FAM3B: variants seen among roughly 807,000 people sequenced by gnomAD.
The protein encoded by FAM3B is FAM3 metabolism regulating signaling molecule B.
FAM3B carries 29 observed loss-of-function variants against 28.4 expected under a neutral mutation model. The observed-to-expected ratio is 1.02, with a 90% CI of 0.76 to 1.39. The LOEUF (loss-of-function observed/expected upper bound fraction) is 1.39, where lower values mean the gene tolerates loss of function less well. Among genes scored for constraint, FAM3B ranks in the 40% most tolerant of loss-of-function variants. The pLI is 0.00. For missense variants in FAM3B, 266 were observed against 293.9 expected (o/e 0.91, Z 0.69); for synonymous variants, 91 against 103.0 (o/e 0.88, Z 0.71).
At chr21:41,351,220 C>CAT (rs2089117019) in intron 7 of FAM3B, among the ~76,000 whole-genome samples, 1 of 152,310 alleles carries the variant, frequency 6.6e-6, no homozygotes, top group South Asian at 2.1e-4. Flanking sequence ...TGATTTCCTT[C>CAT]ATATGAAAGA....
At chr21:41,316,609 C>T (rs1227705210), upstream of FAM3B, 1 of 358,732 alleles carries the variant, frequency 2.8e-6, no homozygotes. Flanking sequence ...CGGGGTCAGC[C>T]CGGCGGGGAA....
Position 41,344,469 on chromosome 21 carries a change from A to G in FAM3B, c.288-7A>G. On this transcript the variant is annotated splice_polypyrimidine_tract_variant and splice_region_variant and intron_variant, in intron 3 of 7. Transcript: ENST00000357985. ...TGGTACTTGACTAATGCTTAGCTCC[A>G]TTTCAGACTTATGGGAGAACAGCTG... is the stretch of plus-strand genomic sequence containing the variant. 1.2e-6 allele frequency: 2 copies of G among 1,613,956 alleles called. No homozygotes were observed. The highest frequency in any genetic ancestry group is 1.7e-6 in the Non-Finnish European group (2 of 1,179,778).
intron 1 of FAM3B, chr21:41,320,999 G>A (rs1393538583): frequency 6.6e-6 from 1 of 152,122 alleles, no homozygotes; most frequent in African/African-American, 2.4e-5. Context: ...TTCCTTTTCA[G>A]CCTTCTCCAA....
At chr21:41,351,318 G>T (rs2089118623) in intron 7 of FAM3B, among the ~76,000 whole-genome samples, 2 of 152,178 alleles carry the variant, frequency 1.3e-5, no homozygotes, top group African/African-American at 2.4e-5. Flanking sequence ...GGAAATGGTG[G>T]CTCCAAGTGA....
At chr21:41,313,791 T>C (rs988351095), upstream of FAM3B, among the ~76,000 whole-genome samples, 4 of 142,498 alleles carry the variant, frequency 2.8e-5, no homozygotes, top group African/African-American at 1.1e-4. Context: ...CCTTTGTCAG[T>C]GGGGCATTTT....
exon 1 of FAM3B, chr21:41,304,281 CACCG>C (rs1394764186): frequency 2.2e-6 from 1 of 456,066 alleles, no homozygotes; most frequent in Non-Finnish European, 4.4e-6. Flanking sequence ...CATCTTTTTC[CACCG>C]TGCGAAGGCA....
At chr21:41,328,768 G>A (rs537469466) in intron 2 of FAM3B, among the ~76,000 whole-genome samples, 1 of 152,176 alleles carries the variant, frequency 6.6e-6, no homozygotes, top group African/African-American at 2.4e-5. Context: ...GATGAGACGG[G>A]GCAGTCAAGG....
At chr21:41,311,247 AAAAAATATATATATATATATATATATAT>A (rs1275878130) in intron 1 of FAM3B, among the ~76,000 whole-genome samples, 5 of 63,458 alleles carry the variant, frequency 7.9e-5, no homozygotes, top group Admixed American at 2.2e-4. Context: ...AAAAAAAAAA[AAAAAATATATATATATATATATATATAT>A]ATATATATAT....
intron 2 of FAM3B, among the ~76,000 whole-genome samples, chr21:41,333,136 T>C (rs2088922265): frequency 6.6e-6 from 1 of 151,912 alleles, no homozygotes. Context: ...TTCTGGTTTT[T>C]TTTTTTTTGT....
Position 41,357,205 on chromosome 21 carries a change from G to A in FAM3B, c.*8G>A. 6.2e-7 allele frequency: 1 copy of A among 1,601,434 alleles called. No homozygotes were observed. ...CCCAAAGAACGAAGCTGACACTGCA[G>A]GGTCCTGAGTAAATGTGTTCTGTAT... On this transcript the variant is annotated 3_prime_UTR_variant, in exon 8 of 8. Transcript: ENST00000357985.
intron 2 of FAM3B, among the ~76,000 whole-genome samples, chr21:41,337,147 T>C (rs566704082): frequency 6.6e-6 from 1 of 152,378 alleles, no homozygotes; most frequent in African/African-American, 2.4e-5. Flanking sequence ...ACCATTTTGC[T>C]GACTATACTT....
intron 1 of FAM3B, among the ~76,000 whole-genome samples, chr21:41,311,250 AAATATATATATATATATATATATATAT>A (rs1406849480): frequency 0.036 from 2,027 of 55,978 alleles, 189 homozygotes; most frequent in African/African-American, 0.15. Flanking sequence ...AAAAAAAAAA[AAATATATATATATATATATATATATAT>A]ATATATATAT....
upstream of FAM3B, among the ~76,000 whole-genome samples, chr21:41,312,941 A>T (rs1025301887): frequency 2.6e-5 from 4 of 152,200 alleles, no homozygotes; most frequent in African/African-American, 9.7e-5. Context: ...CCTTCAAGGA[A>T]GGGCAGGGCA....
intron 1 of FAM3B, among the ~76,000 whole-genome samples, chr21:41,310,063 CAG>C (rs1192266307): frequency 2.0e-5 from 3 of 152,184 alleles, no homozygotes; most frequent in African/African-American, 7.2e-5. Flanking sequence ...AAGTGACTGA[CAG>C]AGCTATGATT....
Position 41,345,666 on chromosome 21 carries a change from A to T in FAM3B, c.347-20A>T, listed in dbSNP as rs1307405699. On this transcript the variant is annotated intron_variant, in intron 4 of 7. Transcript: ENST00000357985. ...AGTTCTGTGAACTTTCTTTTAAAAT[A>T]CCATTTCTTTTATTTTCAGATGTAA... 5.3e-6 allele frequency: 8 copies of T among 1,511,848 alleles called. No homozygotes were observed. The highest frequency in any genetic ancestry group is 7.1e-6 in the Non-Finnish European group (8 of 1,125,772). The allele number at this position is 1,511,848 out of a possible 1,614,324, so 93.7% of individuals were successfully genotyped here. A position where few individuals can be genotyped will look rare whatever the true frequency, so the allele number is the denominator to read the frequency against.
chr21:41,349,612 G>T (rs1280470508), intron 7 of FAM3B, among the ~76,000 whole-genome samples: 1 of 152,162 alleles, frequency 6.6e-6, no homozygotes, highest in Non-Finnish European at 1.5e-5. Context: ...GTGGATACGG[G>T]TCTGGGAAGA....
chr21:41,321,061 A>G (rs1210146778), intron 1 of FAM3B: 3 of 152,210 alleles, frequency 2.0e-5, no homozygotes, highest in Non-Finnish European at 4.4e-5. Context: ...GTTGTCTAGA[A>G]GAGCCCCTGA....
Position 41,347,530 on chromosome 21 carries a change from G to A in FAM3B, c.485+430G>A, listed in dbSNP as rs375992583. Among the ~76,000 whole-genome samples the A allele has an allele frequency of 3.5e-4, 53 of 152,186 alleles. No homozygotes were observed. The East Asian group carries it at 3.5e-3, about 10-fold the overall frequency. On this transcript the variant is annotated intron_variant, in intron 6 of 7. Transcript: ENST00000357985. ...TAGCACTTGGGAGACCGAGGCAGGC[G>A]GATCACGAGGTCAAGGGTTCGAGAC...
chr21:41,316,994 T>G, intron 1 of FAM3B, 96 bp downstream of exon 1: 1 of 1,128,762 alleles, frequency 8.9e-7, no homozygotes, highest in Non-Finnish European at 1.1e-6. Context: ...CCCGCCACGC[T>G]TAGCAAAAGC....
Sources: gnomAD v4.1 joint callset for allele counts (sites outside exome capture counted in the v4.1 genomes callset) on GRCh38, gnomAD v4.1.1 for gene constraint, MANE v1.5 for transcripts, NCBI Gene and HGNC (gene_info 2026-07-23, HGNC 2026-07-21) for gene names.